The following TNNI3K variants were observed in gnomAD, a reference collection of about 807,000 sequenced individuals.
TNNI3K encodes the protein TNNI3 interacting kinase, also known as serine/threonine-protein kinase TNNI3K.
A neutral mutation model predicts 114.5 loss-of-function variants in TNNI3K; 140 were observed. The observed-to-expected ratio is 1.22, with a 90% CI of 1.07 to 1.41. TNNI3K has a LOEUF of 1.41. TNNI3K is among the 40% of genes most tolerant of loss of function. The pLI is 0.00. For missense variants in TNNI3K, 1,125 were observed against 1,007.6 expected (o/e 1.12, Z -1.58); for synonymous variants, 347 against 347.5 (o/e 1.00, Z 0.02).
chr1:74,283,548 A>G (rs1657142222), intron 5 of TNNI3K, among the ~76,000 whole-genome samples: 1 of 152,198 alleles, frequency 6.6e-6, no homozygotes, highest in Non-Finnish European at 1.5e-5. Flanking sequence ...GAAAAGCTTT[A>G]TAGGCTAATA....
chr1:74,311,359 G>A (rs947765370), intron 5 of TNNI3K, among the ~76,000 whole-genome samples: 3 of 152,066 alleles, frequency 2.0e-5, no homozygotes, highest in Non-Finnish European at 4.4e-5. Context: ...GTCATATACA[G>A]TGAAGATTTT....
At chr1:74,281,334 A>ATGTGTGTGTGTGTGTGTGTGTG (rs149830701) in intron 5 of TNNI3K, among the ~76,000 whole-genome samples, 1 of 147,940 alleles carries the variant, frequency 6.8e-6, no homozygotes, top group African/African-American at 2.5e-5. Context: ...ACAATAATAG[A>ATGTGTGTGTGTGTGTGTGTGTG]TGTGTGTGTG....
At chr1:74,504,632 C>T (rs1166751111) in intron 23 of TNNI3K, among the ~76,000 whole-genome samples, 1 of 151,798 alleles carries the variant, frequency 6.6e-6, no homozygotes, top group African/African-American at 2.4e-5. Context: ...GTAAAATTGA[C>T]ACCTTTAAAA....
intron 23 of TNNI3K, among the ~76,000 whole-genome samples, chr1:74,528,087 G>A (rs1646530862): frequency 6.6e-6 from 1 of 152,150 alleles, no homozygotes; most frequent in Non-Finnish European, 1.5e-5. Context: ...TATGAGAAGG[G>A]TGGAGAGAAT....
intron 20 of TNNI3K, among the ~76,000 whole-genome samples, chr1:74,440,687 T>C (rs1666339930): frequency 6.6e-6 from 1 of 152,128 alleles, no homozygotes; most frequent in Non-Finnish European, 1.5e-5. Flanking sequence ...GATGTAATTG[T>C]CCTAATTTTT....
intron 7 of TNNI3K, 87 bp downstream of exon 7, chr1:74,336,236 G>A (rs1660456450): frequency 6.8e-7 from 1 of 1,465,372 alleles, no homozygotes; most frequent in Non-Finnish European, 9.0e-7. Flanking sequence ...GAATAATCTT[G>A]AAGTTGACTA....
At chr1:74,237,691 A>G (rs532131482) in intron 2 of TNNI3K, among the ~76,000 whole-genome samples, 1 of 152,084 alleles carries the variant, frequency 6.6e-6, no homozygotes, top group African/African-American at 2.4e-5. Flanking sequence ...GTTTCTACTA[A>G]ATGCAACAAA....
chr1:74,319,466 CCAAGA>C (rs1299695120), intron 5 of TNNI3K, among the ~76,000 whole-genome samples: 1 of 152,076 alleles, frequency 6.6e-6, no homozygotes, highest in Non-Finnish European at 1.5e-5. Context: ...TATATTTTAT[CCAAGA>C]CAATATCAAA....
chr1:74,527,168 AG>A (rs1194884235), intron 23 of TNNI3K, among the ~76,000 whole-genome samples: 2 of 152,214 alleles, frequency 1.3e-5, no homozygotes, highest in Non-Finnish European at 2.9e-5. Context: ...CAGTTTTACT[AG>A]CCCGTGCCAG....
chr1:74,406,929 CT>C (rs1428835030), intron 17 of TNNI3K, among the ~76,000 whole-genome samples: 1 of 152,192 alleles, frequency 6.6e-6, no homozygotes, highest in Admixed American at 6.5e-5. Context: ...TGCTCTTTGC[CT>C]CGTTTCTTCC....
intron 5 of TNNI3K, among the ~76,000 whole-genome samples, chr1:74,317,675 G>A (rs764560881): frequency 6.6e-6 from 1 of 152,124 alleles, no homozygotes; most frequent in African/African-American, 2.4e-5. Flanking sequence ...GATTCTTCAG[G>A]ACACTCCTGC....
chr1:74,412,511 G>T (rs1409919671), intron 17 of TNNI3K, among the ~76,000 whole-genome samples: 2 of 152,200 alleles, frequency 1.3e-5, no homozygotes, highest in Non-Finnish European at 2.9e-5. Context: ...AGAGTAGGAG[G>T]TTGCTAAAGA....
chr1:74,284,679 G>T (rs926377006), intron 5 of TNNI3K, among the ~76,000 whole-genome samples: 1 of 152,112 alleles, frequency 6.6e-6, no homozygotes, highest in Admixed American at 6.5e-5. Flanking sequence ...TCTTTTCTCT[G>T]CCCTAAAGCA....
intron 21 of TNNI3K, chr1:74,481,065 T>G (rs2100257955): frequency 1.7e-6 from 1 of 603,804 alleles, no homozygotes; most frequent in South Asian, 2.0e-5. Context: ...CTGAGCAATC[T>G]TATCACCTGG....
intron 15 of TNNI3K, 34 bp downstream of exon 15, chr1:74,369,298 G>T (rs183970802): frequency 1.2e-6 from 2 of 1,609,710 alleles, no homozygotes; most frequent in East Asian, 4.5e-5. Context: ...TAACATCCAG[G>T]TGGAATTGTG....
intron 2 of TNNI3K, among the ~76,000 whole-genome samples, chr1:74,237,701 A>C (rs2100822782): frequency 1.3e-5 from 2 of 152,116 alleles, no homozygotes; most frequent in Middle Eastern, 6.8e-3. Flanking sequence ...AATGCAACAA[A>C]TGTGACCTTC....
Position 74,493,769 on chromosome 1 carries a change from G to A in TNNI3K, c.2351+1503G>A, listed in dbSNP as rs539259720. Among the ~76,000 whole-genome samples the A allele has an allele frequency of 2.4e-4, 36 of 152,264 alleles. No individual in the cohort carries two copies. The South Asian group carries it at 7.5e-3, about 32-fold the overall frequency. The stretch of plus-strand genomic sequence containing the variant: ...GGGGTATATTCTTCTCACAGACAAA[G>A]GCTAGTAACTCAAGAGGACAAGCCC... On this transcript the variant is annotated intron_variant, in intron 23 of 24. Coordinates refer to ENST00000326637, the MANE Select transcript of TNNI3K (RefSeq NM_015978.3).
intron 17 of TNNI3K, among the ~76,000 whole-genome samples, chr1:74,426,616 C>T (rs1178740504): frequency 6.6e-6 from 1 of 152,022 alleles, no homozygotes; most frequent in Non-Finnish European, 1.5e-5. Flanking sequence ...TTTATTCTCT[C>T]CTCTCCCTGG....
intron 20 of TNNI3K, among the ~76,000 whole-genome samples, chr1:74,450,460 T>C (rs1432790151): frequency 6.6e-6 from 1 of 151,382 alleles, no homozygotes; most frequent in Non-Finnish European, 1.5e-5. Context: ...ATCGTCAGAG[T>C]GAGCAGACAA....
Sources: gnomAD v4.1 joint callset for allele counts (sites outside exome capture counted in the v4.1 genomes callset) on GRCh38, gnomAD v4.1.1 for gene constraint, MANE v1.5 for transcripts, NCBI Gene and HGNC (gene_info 2026-07-23, HGNC 2026-07-21) for gene names.